The following SPRY3 variants were observed in gnomAD, a reference collection of about 807,000 sequenced individuals.
SPRY3 encodes the protein protein sprouty homolog 3.
SPRY3 carries 15 observed loss-of-function variants against 20.2 expected under a neutral mutation model. The ratio of observed to expected loss-of-function variants is 0.74; its 90% confidence interval spans 0.50 to 1.14. The LOEUF (loss-of-function observed/expected upper bound fraction) is 1.14. SPRY3 is among the 50% of genes most tolerant of loss of function. The probability of loss-of-function intolerance (pLI) is 0.00; values close to 1 mark genes in which losing one functional copy is unlikely to be tolerated. For synonymous variants in SPRY3, 143 were observed against 136.5 expected (o/e 1.05, Z -0.33); for missense variants, 364 against 363.9 (o/e 1.00, Z 0.00).
chrX:155,721,275 A>G (rs1290401886), intron 2 of SPRY3, among the ~76,000 whole-genome samples: 5 of 152,256 alleles, frequency 3.3e-5, no homozygotes, highest in Middle Eastern at 3.4e-3. Flanking sequence ...AAAAGAATAA[A>G]AACAATGAAG....
rs192033470 is a variant in SPRY3 at position 155,692,688 on chromosome X, G to A, written c.-282+35663G>A. ...AGCCATCTGGACCTGGGATTTCTTA[G>A]ATGTTTAGTAACAAATTAAATTTAC... On this transcript the variant is annotated intron_variant, in intron 2 of 3. Coordinates refer to ENST00000675360, the Ensembl canonical transcript of SPRY3. 4.2e-3 allele frequency among the ~76,000 whole-genome samples: 467 copies of A among 111,151 alleles called. 3 individuals are homozygous for A. The highest frequency in any genetic ancestry group is 0.015 in the African/African-American group (447 of 30,703).
chrX:155,647,217 T>G (rs1426371783), intron 1 of SPRY3, among the ~76,000 whole-genome samples: 1 of 111,851 alleles, frequency 8.9e-6, no homozygotes, highest in Non-Finnish European at 1.9e-5. Flanking sequence ...TAATATCTGG[T>G]TTGTATATTT....
intron 2 of SPRY3, among the ~76,000 whole-genome samples, chrX:155,766,812 A>G (rs1311076526): frequency 6.6e-6 from 1 of 152,196 alleles, no homozygotes. Flanking sequence ...AAGGTACTCA[A>G]TAAATATTTG....
chrX:155,778,304 C>T (rs1432328664), downstream of SPRY3: 2 of 167,108 alleles, frequency 1.2e-5, no homozygotes, highest in South Asian at 2.1e-4. Context: ...AAGTATCTTG[C>T]TATGTTAAGA....
chrX:155,612,610 G>T (rs1423458279), exon 1 of SPRY3: 2 of 113,150 alleles, frequency 1.8e-5, no homozygotes, highest in African/African-American at 3.2e-5. Context: ...CAACCCTGCG[G>T]CAAGGCAGGA....
intron 2 of SPRY3, among the ~76,000 whole-genome samples, chrX:155,712,198 A>AT (rs2090991751): frequency 1.3e-5 from 2 of 151,894 alleles, no homozygotes; most frequent in African/African-American, 4.8e-5. Flanking sequence ...ATAAATATCC[A>AT]TTAGGTTCAT....
At chrX:155,626,252 T>C (rs1557349946) in intron 1 of SPRY3, among the ~76,000 whole-genome samples, 1 of 111,623 alleles carries the variant, frequency 9.0e-6, no homozygotes, top group African/African-American at 3.2e-5. Flanking sequence ...CTAGAGGAGG[T>C]GAAGTGGTAT....
rs752191262 is a variant in SPRY3 at position 155,769,082 on chromosome X, C to T, written c.-107+946C>T. 2.0e-5 allele frequency among the ~76,000 whole-genome samples: 3 copies of T among 152,314 alleles called. 1 individual carries two copies. In the South Asian group the frequency reaches 6.2e-4, roughly 32 times the overall value. ...TTCATAAATACAAATAAGGCACAGG[C>T]TAGCCGTTTATCCACAATGAAATAT... On this transcript the variant is annotated intron_variant, in intron 3 of 3. Coordinates refer to ENST00000675360, the Ensembl canonical transcript of SPRY3.
At position 155,708,340 on chromosome X, in the gene SPRY3, C is replaced by A. The variant is rs2090964715; in HGVS notation, c.-282+51315C>A. Among the ~76,000 whole-genome samples, 6 of 151,366 alleles carry A rather than the reference C, an allele frequency of 4.0e-5. No homozygotes were observed. The South Asian group carries it at 1.2e-3, about 31-fold the overall frequency. ...TCTCTCAGCACTTTGAATATATAAT[C>A]CCACTGCCTTCTGGCCTCCATTGAT... is the stretch of plus-strand genomic sequence containing the variant. On this transcript the variant is annotated intron_variant, in intron 2 of 3. Transcript: ENST00000675360.
rs2124554186 is a variant in SPRY3 at position 155,722,174 on chromosome X, G to C, written c.-281-45788G>C. Among the ~76,000 whole-genome samples, 3 of 152,240 alleles carry C rather than the reference G, an allele frequency of 2.0e-5. No homozygotes were observed. In the East Asian group the frequency reaches 5.8e-4, roughly 29 times the overall value. ...GCTTAAAATAATGGGTTATAAGCTA[G>C]TATTTACAAGTCTCATGGTAACCTG... On this transcript the variant is annotated intron_variant, in intron 2 of 3. Transcript: ENST00000675360.
At chrX:155,692,671 G>T (rs1603138158) in intron 2 of SPRY3, among the ~76,000 whole-genome samples, 1 of 110,915 alleles carries the variant, frequency 9.0e-6, no homozygotes, top group Admixed American at 9.6e-5. Flanking sequence ...GAAGCCATCT[G>T]GACCTGGGAT....
intron 2 of SPRY3, among the ~76,000 whole-genome samples, chrX:155,762,917 T>C (rs747730002): frequency 4.3e-4 from 66 of 152,314 alleles, no homozygotes; most frequent in African/African-American, 1.5e-3. Context: ...TGCACTCATA[T>C]GTTCTTTGCA....
intron 2 of SPRY3, among the ~76,000 whole-genome samples, chrX:155,737,286 C>T (rs2124569515): frequency 6.6e-6 from 1 of 152,074 alleles, no homozygotes; most frequent in Admixed American, 6.5e-5. Context: ...TAGATTGATT[C>T]CATGTGTTTG....
intron 2 of SPRY3, among the ~76,000 whole-genome samples, chrX:155,750,282 G>C (rs1490544458): frequency 6.6e-6 from 1 of 151,796 alleles, no homozygotes; most frequent in African/African-American, 2.4e-5. Flanking sequence ...CTAGTGCGGG[G>C]GGAAGGGAAG....
intron 2 of SPRY3, among the ~76,000 whole-genome samples, chrX:155,720,302 C>A (rs2091048715): frequency 6.6e-6 from 1 of 152,118 alleles, no homozygotes; most frequent in Non-Finnish European, 1.5e-5. Flanking sequence ...ATTAGACTTC[C>A]AAGGTTTTTG....
chrX:155,623,658 G>A (rs2067878458), intron 1 of SPRY3, among the ~76,000 whole-genome samples: 1 of 111,910 alleles, frequency 8.9e-6, no homozygotes, highest in Non-Finnish European at 1.9e-5. Flanking sequence ...AATTTTTCAT[G>A]TTTTAGTTAG....
At chrX:155,775,118 C>T in exon 4 of SPRY3, 1 of 274,562 alleles carries the variant, frequency 3.6e-6, no homozygotes, top group Non-Finnish European at 7.4e-6. Context: ...TTCTGCTGTG[C>T]CTTTGGAAGC....
chrX:155,715,761 C>T (rs1223063347), intron 2 of SPRY3, among the ~76,000 whole-genome samples: 1 of 152,166 alleles, frequency 6.6e-6, no homozygotes, highest in Non-Finnish European at 1.5e-5. Flanking sequence ...TGATACTGCT[C>T]TAGCTAAGGC....
chrX:155,773,437 A>G (rs927625770), intron 3 of SPRY3, among the ~76,000 whole-genome samples: 3 of 151,104 alleles, frequency 2.0e-5, no homozygotes, highest in African/African-American at 7.3e-5. Context: ...TTCCATTTGT[A>G]TTAGAATTCT....
Sources: gnomAD v4.1 joint callset for allele counts (sites outside exome capture counted in the v4.1 genomes callset) on GRCh38, gnomAD v4.1.1 for gene constraint, MANE v1.5 for transcripts, NCBI Gene and HGNC (gene_info 2026-07-23, HGNC 2026-07-21) for gene names.